The following ERC2 variants were observed in gnomAD, a reference collection of about 807,000 sequenced individuals.
The protein encoded by ERC2 is ERC protein 2.
In ERC2, 42 loss-of-function variants were observed where a neutral mutation model predicts 114.8. The ratio of observed to expected loss-of-function variants is 0.37; its 90% CI spans 0.29 to 0.47. ERC2 has a LOEUF of 0.47. Among genes scored for constraint, ERC2 ranks in the 20% least tolerant of loss-of-function variants. ERC2 has a pLI of 0.99. For missense variants in ERC2, 939 were observed against 1,150.7 expected, an observed-to-expected ratio of 0.82 and a Z score of 2.66; for synonymous variants, 454 against 425.5, an observed-to-expected ratio of 1.07 and a Z score of -0.82.
intron 12 of ERC2, among the ~76,000 whole-genome samples, chr3:55,966,322 T>G (rs1472868529): frequency 1.3e-5 from 2 of 152,158 alleles, no homozygotes; most frequent in African/African-American, 4.8e-5. Flanking sequence ...CAGTTTTTCA[T>G]GCCCTTTCTA....
At chr3:55,554,756 C>T (rs185063030) in intron 17 of ERC2, among the ~76,000 whole-genome samples, 1 of 152,212 alleles carries the variant, frequency 6.6e-6, no homozygotes, top group African/African-American at 2.4e-5. Flanking sequence ...CTGCAAGCTG[C>T]CCTTGTTTTA....
intron 14 of ERC2, among the ~76,000 whole-genome samples, chr3:55,755,083 C>CTT (rs35629979): frequency 6.9e-6 from 1 of 145,948 alleles, no homozygotes. Flanking sequence ...TATTCATCTT[C>CTT]TTTTTTTTTT....
chr3:56,439,939 T>C (rs2062211466), intron 1 of ERC2, among the ~76,000 whole-genome samples: 1 of 152,198 alleles, frequency 6.6e-6, no homozygotes, highest in African/African-American at 2.4e-5. Flanking sequence ...AATAATATAT[T>C]TAAATGTCAA....
At chr3:55,821,283 C>A (rs1365183480) in intron 14 of ERC2, among the ~76,000 whole-genome samples, 1 of 152,054 alleles carries the variant, frequency 6.6e-6, no homozygotes, top group African/African-American at 2.4e-5. Context: ...AATCTGAAAA[C>A]CAAAATGACC....
chr3:55,647,039 G>T (rs2060425889), intron 17 of ERC2: 1 of 152,090 alleles, frequency 6.6e-6, no homozygotes, highest in Admixed American at 6.6e-5. Flanking sequence ...CAGTTCACCT[G>T]CTTCTTCAGC....
At chr3:56,144,671 C>A (rs532018920) in intron 5 of ERC2, among the ~76,000 whole-genome samples, 1 of 152,282 alleles carries the variant, frequency 6.6e-6, no homozygotes, top group South Asian at 2.1e-4. Flanking sequence ...CTACATACAC[C>A]TCCTTTAGTC....
chr3:55,682,817 A>G (rs13076577), intron 17 of ERC2, among the ~76,000 whole-genome samples: 26,174 of 152,188 alleles, frequency 0.17, 2,962 homozygotes, highest in Non-Finnish European at 0.24. Context: ...ATAAAACATC[A>G]TATGCAATGT....
chr3:55,883,115 A>G (rs1559811286), intron 14 of ERC2, among the ~76,000 whole-genome samples: 1 of 152,250 alleles, frequency 6.6e-6, no homozygotes, highest in Non-Finnish European at 1.5e-5. Context: ...TCATCAGTGA[A>G]TATTTATACA....
At chr3:55,646,397 C>T (rs2060400370) in intron 17 of ERC2, among the ~76,000 whole-genome samples, 2 of 152,276 alleles carry the variant, frequency 1.3e-5, no homozygotes, top group South Asian at 4.1e-4. Flanking sequence ...TGTAGCAAAA[C>T]ATTTACAGAG....
chr3:55,726,487 A>G (rs1295216598), intron 15 of ERC2, among the ~76,000 whole-genome samples: 1 of 152,238 alleles, frequency 6.6e-6, no homozygotes, highest in Non-Finnish European at 1.5e-5. Context: ...TTTCCTGGAC[A>G]GGACGGGTCT....
At chr3:55,540,976 G>T (rs1329821075) in intron 17 of ERC2, among the ~76,000 whole-genome samples, 1 of 152,090 alleles carries the variant, frequency 6.6e-6, no homozygotes. Context: ...AAAGTGAGAG[G>T]TGCAGATGTG....
In ERC2 at chr3:55,674,120, C is replaced by T. The variant is rs567601543; in HGVS notation, c.*39+9674G>A. 5.9e-5 allele frequency among the ~76,000 whole-genome samples: 9 copies of T among 152,216 alleles called. No individual in the cohort carries two copies. In the South Asian group the frequency reaches 1.5e-3, roughly 25 times the overall value. ...AGCCTGCCCTGACCTCCCGACTGCC[C>T]GATGCAGAGCATATCTTAAAATTAT... is the stretch of plus-strand genomic sequence containing the variant. On this transcript the variant is annotated intron_variant, in intron 17 of 17. Transcript: ENST00000288221.
At chr3:56,376,496 G>A (rs1476521517) in intron 2 of ERC2, among the ~76,000 whole-genome samples, 4 of 151,976 alleles carry the variant, frequency 2.6e-5, no homozygotes, top group Non-Finnish European at 4.4e-5. Context: ...CGGGCACAGT[G>A]GCTCATGCCT....
In ERC2 at chr3:56,139,128, GAT is replaced by G. The variant is rs531360711; in HGVS notation, c.1473+379_1473+380del. Among the ~76,000 whole-genome samples the G allele has an allele frequency of 2.6e-3, 393 of 152,166 alleles. 2 individuals carry two copies. The highest frequency in any genetic ancestry group is 9.1e-3 in the African/African-American group (378 of 41,500). ...ATTCTAGATCCAAGCCCTTGACTTGGATTTACCAAATCTAAAATGCTCCGAAG... is the reference window on the plus strand; with the variant it reads ...ATTCTAGATCCAAGCCCTTGACTTGGTTACCAAATCTAAAATGCTCCGAAG... On this transcript the variant is annotated intron_variant, in intron 6 of 17. Coordinates refer to ENST00000288221, the MANE Select transcript of ERC2 (RefSeq NM_015576.3).
chr3:56,049,834 G>C (rs906961872), intron 7 of ERC2, among the ~76,000 whole-genome samples: 1 of 149,606 alleles, frequency 6.7e-6, no homozygotes, highest in Non-Finnish European at 1.5e-5. Context: ...GTGTGTGTGT[G>C]TGTGTGTGTG....
intron 6 of ERC2, among the ~76,000 whole-genome samples, chr3:56,083,521 A>C (rs997598235): frequency 6.6e-6 from 1 of 152,200 alleles, no homozygotes; most frequent in African/African-American, 2.4e-5. Context: ...TGTACATTTT[A>C]ATAATTTATA....
intron 14 of ERC2, among the ~76,000 whole-genome samples, chr3:55,838,132 C>T (rs2060979775): frequency 6.6e-6 from 1 of 151,908 alleles, no homozygotes. Flanking sequence ...TAACACTTCT[C>T]TCTCAATAAG....
rs755023818 is a variant in ERC2, at chr3:55,734,931, A to G, written c.2565-13T>C. On this transcript the variant is annotated splice_polypyrimidine_tract_variant and intron_variant, in intron 14 of 17. Coordinates refer to ENST00000288221, the MANE Select transcript of ERC2 (RefSeq NM_015576.3). ...TAGTGCTTCCTGTCTGGTAAAATAA[A>G]GATTATTGAGATCATTTTTGTAAAA... 2 of 1,529,182 alleles carry G rather than the reference A, an allele frequency of 1.3e-6. No individual in the cohort carries two copies. The highest frequency in any genetic ancestry group is 2.3e-5 in the Admixed American group (1 of 42,638). 94.7% of individuals were successfully genotyped at this position (1,529,182 alleles called of 1,614,324 possible).
At chr3:55,741,467 A>G (rs935255585) in intron 14 of ERC2, among the ~76,000 whole-genome samples, 2 of 152,162 alleles carry the variant, frequency 1.3e-5, no homozygotes, top group Non-Finnish European at 1.5e-5. Flanking sequence ...ATTTTCCCCA[A>G]TGAAAGCATT....
Sources: gnomAD v4.1 joint callset for allele counts (sites outside exome capture counted in the v4.1 genomes callset) on GRCh38, gnomAD v4.1.1 for gene constraint, MANE v1.5 for transcripts, NCBI Gene and HGNC (gene_info 2026-07-23, HGNC 2026-07-21) for gene names.